Variants in SHQ1 observed in about 807,000 individuals in gnomAD.
The protein encoded by SHQ1 is protein SHQ1 homolog.
SHQ1 carries 49 observed loss-of-function variants against 53.8 expected under a neutral mutation model. The observed-to-expected ratio is 0.91, with a 90% CI of 0.72 to 1.16. The LOEUF (loss-of-function observed/expected upper bound fraction) is 1.16. Ranked by LOEUF, SHQ1 falls within the 50% of genes most tolerant of loss-of-function variation. The pLI, the probability that SHQ1 is intolerant of heterozygous loss-of-function variation, is 0.00. For synonymous variants in SHQ1, 243 were observed against 251.0 expected (o/e 0.97, Z 0.30); for missense variants, 738 against 683.1 (o/e 1.08, Z -0.90).
intron 9 of SHQ1, among the ~76,000 whole-genome samples, chr3:72,799,051 T>C (rs1682281413): frequency 4.6e-5 from 7 of 152,076 alleles, no homozygotes; most frequent in Admixed American, 4.6e-4. Flanking sequence ...CCAGGCCTGG[T>C]GGCTCACACC....
rs1706493336 is a variant in SHQ1 at position 72,793,109 on chromosome 3, A to G, written c.1061-73T>C. The G allele has an allele frequency of 3.8e-6, 5 of 1,321,520 alleles. No homozygotes were observed. In the South Asian group the frequency reaches 6.6e-5, roughly 17 times the overall value. 81.9% of individuals were successfully genotyped at this position (1,321,520 alleles called of 1,614,324 possible). A position where few individuals can be genotyped will look rare whatever the true frequency, so the allele number is the denominator to read the frequency against. The stretch of plus-strand genomic sequence containing the variant: ...TCAGACCCTGAGAGGTAATATATCT[A>G]AAGCAGCTCAGAATCCTGATCATTT... On this transcript the variant is annotated intron_variant, in intron 9 of 10. Coordinates refer to ENST00000325599, the MANE Select transcript of SHQ1 (RefSeq NM_018130.3).
At chr3:72,758,924 G>A (rs922157810) in intron 10 of SHQ1, among the ~76,000 whole-genome samples, 1 of 152,154 alleles carries the variant, frequency 6.6e-6, no homozygotes, top group Non-Finnish European at 1.5e-5. Flanking sequence ...CCTTCTCAGG[G>A]CAGAATCCCT....
At chr3:72,806,267 G>A (rs759130795) in intron 9 of SHQ1, among the ~76,000 whole-genome samples, 2 of 152,174 alleles carry the variant, frequency 1.3e-5, no homozygotes, top group Non-Finnish European at 2.9e-5. Flanking sequence ...ATTTCCAGGA[G>A]TTAACTCCTG....
chr3:72,751,476 A>ATGTGTGTGTGTGTGTG (rs372032784), intron 10 of SHQ1, among the ~76,000 whole-genome samples: 6 of 109,642 alleles, frequency 5.5e-5, no homozygotes, highest in African/African-American at 2.3e-4. Flanking sequence ...ATAAGCACAT[A>ATGTGTGTGTGTGTGTG]TGTGTGTGTG....
intron 9 of SHQ1, among the ~76,000 whole-genome samples, chr3:72,807,721 T>C (rs1706994223): frequency 6.6e-6 from 1 of 152,232 alleles, no homozygotes; most frequent in African/African-American, 2.4e-5. Context: ...TAAACATCCA[T>C]TATTCTTTTA....
At chr3:72,763,920 A>G (rs1317017579) in intron 10 of SHQ1, among the ~76,000 whole-genome samples, 1 of 152,114 alleles carries the variant, frequency 6.6e-6, no homozygotes, top group Non-Finnish European at 1.5e-5. Flanking sequence ...GCCTTAGGAA[A>G]TGAATATAGA....
chr3:72,811,751 A>ATGTGATTC (rs1707128881), intron 9 of SHQ1, among the ~76,000 whole-genome samples: 1 of 152,216 alleles, frequency 6.6e-6, no homozygotes, highest in South Asian at 2.1e-4. Context: ...AACATTTGAG[A>ATGTGATTC]TGTGATTCTC....
intron 5 of SHQ1, among the ~76,000 whole-genome samples, chr3:72,830,807 G>C (rs904504996): frequency 2.0e-5 from 3 of 152,132 alleles, no homozygotes; most frequent in African/African-American, 7.2e-5. Flanking sequence ...ATGAGCTTCT[G>C]GATAAAGACA....
At chr3:72,741,537 G>A in the SHQ1 span, among the ~76,000 whole-genome samples, 5 of 151,880 alleles carry the variant, frequency 3.3e-5, no homozygotes, top group Non-Finnish European at 5.9e-5. Context: ...AGTGAGCTGA[G>A]ATCGTGCCAC....
chr3:72,740,937 C>A, the SHQ1 span, among the ~76,000 whole-genome samples: 1 of 152,192 alleles, frequency 6.6e-6, no homozygotes, highest in Non-Finnish European at 1.5e-5. Flanking sequence ...TATCCTAACG[C>A]ATCTCTTACC....
chr3:72,844,839 T>C (rs1708283013), intron 1 of SHQ1, among the ~76,000 whole-genome samples: 1 of 152,120 alleles, frequency 6.6e-6, no homozygotes, highest in Non-Finnish European at 1.5e-5. Flanking sequence ...CAAAAAGCAG[T>C]CAAAACTTGG....
At chr3:72,763,797 C>G (rs908271635) in intron 10 of SHQ1, among the ~76,000 whole-genome samples, 1 of 152,134 alleles carries the variant, frequency 6.6e-6, no homozygotes, top group African/African-American at 2.4e-5. Context: ...GCAGAGTTCA[C>G]AGGAGGAACC....
intron 10 of SHQ1, among the ~76,000 whole-genome samples, chr3:72,787,842 G>A (rs1706287575): frequency 6.6e-6 from 1 of 152,074 alleles, no homozygotes; most frequent in African/African-American, 2.4e-5. Context: ...AGCCTGCCAA[G>A]TGCCTGGGAT....
At chr3:72,833,542 TAGATAG>T (rs1559696509) in intron 4 of SHQ1, among the ~76,000 whole-genome samples, 2 of 78,874 alleles carry the variant, frequency 2.5e-5, no homozygotes, top group African/African-American at 1.6e-4. Context: ...GACAGATAGA[TAGATAG>T]ATAGATAGAT....
chr3:72,758,655 C>T (rs562301478), intron 10 of SHQ1, among the ~76,000 whole-genome samples: 1 of 151,500 alleles, frequency 6.6e-6, no homozygotes, highest in South Asian at 2.1e-4. Flanking sequence ...CTGCAACCTC[C>T]ACCTCCTGGG....
At chr3:72,742,608 T>C in the SHQ1 span, among the ~76,000 whole-genome samples, 10 of 135,032 alleles carry the variant, frequency 7.4e-5, no homozygotes, top group African/African-American at 3.0e-4. Context: ...GTTCTTTTTT[T>C]TTCTTTTTTT....
At chr3:72,758,029 A>G (rs754373739) in intron 10 of SHQ1, among the ~76,000 whole-genome samples, 3 of 152,220 alleles carry the variant, frequency 2.0e-5, no homozygotes, top group Non-Finnish European at 4.4e-5. Flanking sequence ...ATTCCTCTCT[A>G]TTGAAAAGAA....
intron 9 of SHQ1, among the ~76,000 whole-genome samples, chr3:72,803,593 C>T (rs576493112): frequency 6.6e-6 from 1 of 152,300 alleles, no homozygotes; most frequent in Non-Finnish European, 1.5e-5. Context: ...CCCCTCCAAC[C>T]TCCATGTACA....
Position 72,817,262 on chromosome 3 carries a change from A to G in SHQ1, c.850T>C (p.Tyr284His), listed in dbSNP as rs771500083. The change falls in exon 7 of 11, where the codon TAT becomes CAT. Residue 284 changes from tyrosine (Y) to histidine (H), a missense_variant. Transcript: ENST00000325599. ...SLIDILLAYC[Y>H]ETRVTEGEKN... ...TCTCCTTCAGTGACACGGGTTTCAT[A>G]GCAATATGCCAGAAGGATATCAATC... 30 of 1,613,522 alleles carry G rather than the reference A, an allele frequency of 1.9e-5. No homozygotes were observed. In the South Asian group the frequency reaches 3.1e-4, roughly 17 times the overall value.
Sources: allele counts gnomAD v4.1 joint callset (sites outside exome capture counted in the v4.1 genomes callset), GRCh38; gene constraint gnomAD v4.1.1; transcripts MANE v1.5; gene names NCBI Gene and HGNC (gene_info 2026-07-23, HGNC 2026-07-21).